TRAK1: variants seen among roughly 807,000 people sequenced by gnomAD.
TRAK1 encodes trafficking kinesin-binding protein 1.
Under a neutral mutation model 92.1 loss-of-function variants are expected in TRAK1, and 33 were observed. That is an observed-to-expected ratio of 0.36 (90% CI 0.27 to 0.48). The LOEUF (loss-of-function observed/expected upper bound fraction) is 0.48. TRAK1 is among the 20% of genes least tolerant of loss of function. TRAK1 has a pLI of 0.99. For synonymous variants in TRAK1, 521 were observed against 517.3 expected (o/e 1.01, Z -0.10); for missense variants, 1,123 against 1,257.9 (o/e 0.89, Z 1.62).
At chr3:42,110,307 A>G (rs955842057) in intron 1 of TRAK1, among the ~76,000 whole-genome samples, 1 of 150,700 alleles carries the variant, frequency 6.6e-6, no homozygotes, top group East Asian at 2.0e-4. Context: ...TGGGGTGTGT[A>G]TGTGTGTGTG....
chr3:42,101,746 A>C (rs894900502), intron 1 of TRAK1, among the ~76,000 whole-genome samples: 1 of 152,146 alleles, frequency 6.6e-6, no homozygotes, highest in African/African-American at 2.4e-5. Context: ...GTTTCCCCTT[A>C]AGCCATAGTT....
At chr3:42,165,105 T>C (rs756551527) in intron 2 of TRAK1, among the ~76,000 whole-genome samples, 10 of 152,214 alleles carry the variant, frequency 6.6e-5, no homozygotes, top group Admixed American at 1.3e-4. Flanking sequence ...GTATTCAGGA[T>C]TGCTCAGGAG....
chr3:42,125,317 GA>G lies in TRAK1; in HGVS notation c.92-102del. 5 of 1,015,372 alleles carry G rather than the reference GA, an allele frequency of 4.9e-6. No homozygotes were observed. The East Asian group carries it at 1.3e-4, about 26-fold the overall frequency. 62.9% of individuals were successfully genotyped at this position (1,015,372 alleles called of 1,614,324 possible). On this transcript the variant is annotated intron_variant, in intron 1 of 15. Coordinates refer to ENST00000327628, the MANE Select transcript of TRAK1 (RefSeq NM_001042646.3). Reference sequence around the variant, plus strand: ...CCTTGTCTAGCTTCTTTGTGCTGTAGATAAATAACCGAAGATACCTGCCGCA... The same window carrying G: ...CCTTGTCTAGCTTCTTTGTGCTGTAGTAAATAACCGAAGATACCTGCCGCA...
chr3:42,052,226 A>T (rs755117071), intron 1 of TRAK1, among the ~76,000 whole-genome samples: 68 of 152,218 alleles, frequency 4.5e-4, no homozygotes, highest in Non-Finnish European at 8.5e-4. Flanking sequence ...TTGCTCTTTC[A>T]GCAGTAGCCC....
At chr3:42,197,002 TCACACACACACACACA>T (rs773977076) in intron 10 of TRAK1, among the ~76,000 whole-genome samples, 176 of 103,604 alleles carry the variant, frequency 1.7e-3, no homozygotes, top group African/African-American at 5.3e-3. Context: ...TCTCTCTCTC[TCACACACACACACACA>T]CACACACACA....
intron 1 of TRAK1, among the ~76,000 whole-genome samples, chr3:42,077,674 A>C (rs1704220696): frequency 6.6e-6 from 1 of 152,208 alleles, no homozygotes; most frequent in Non-Finnish European, 1.5e-5. Flanking sequence ...CTCCCTGGTT[A>C]GCTGTATTCC....
At chr3:42,073,905 G>C (rs2148941115) in intron 1 of TRAK1, among the ~76,000 whole-genome samples, 1 of 152,256 alleles carries the variant, frequency 6.6e-6, no homozygotes, top group South Asian at 2.1e-4. Flanking sequence ...CCGGAGTTCA[G>C]ACCCCATCAT....
chr3:42,053,376 G>T lies in TRAK1; in HGVS notation c.-518-33728G>T, dbSNP rs1198360592. Among the ~76,000 whole-genome samples, 198 of 52,028 alleles carry T rather than the reference G, an allele frequency of 3.8e-3. 2 individuals carry two copies. Among genetic ancestry groups the T allele is most frequent in the African/African-American group, 0.032 (169 of 5,266 alleles). The allele number at this position is 52,028 out of a possible 152,430, so 34.1% of individuals were successfully genotyped here. On this transcript the variant is annotated intron_variant, in intron 1 of 16. Transcript: ENST00000487159. Reference sequence around the variant, plus strand: ...ACTGCAGTCCCATTCAGAGTCGGGTGGGGGGGGGGGGCGGGGGATGGCAAA... The same window carrying T: ...ACTGCAGTCCCATTCAGAGTCGGGTTGGGGGGGGGGGCGGGGGATGGCAAA...
chr3:42,217,681 C>T (rs1230355447), intron 14 of TRAK1: 1 of 985,280 alleles, frequency 1.0e-6, no homozygotes, highest in Non-Finnish European at 1.2e-6. Flanking sequence ...ATCTCTCTTT[C>T]AACTGTGTTG....
chr3:42,112,058 A>G (rs1708483833), intron 1 of TRAK1, among the ~76,000 whole-genome samples: 1 of 150,262 alleles, frequency 6.7e-6, no homozygotes, highest in South Asian at 2.2e-4. Context: ...TCCAGAGTGT[A>G]CTAAGACTCC....
chr3:42,176,310 C>T (rs1449991655), intron 2 of TRAK1, among the ~76,000 whole-genome samples: 3 of 152,148 alleles, frequency 2.0e-5, no homozygotes, highest in Non-Finnish European at 4.4e-5. Context: ...GAGGAGGGGG[C>T]TATGCCATTA....
chr3:42,101,006 G>A (rs1706675092), intron 1 of TRAK1, among the ~76,000 whole-genome samples: 1 of 152,250 alleles, frequency 6.6e-6, no homozygotes, highest in African/African-American at 2.4e-5. Context: ...TGTTAGTCAA[G>A]TGTTGCTGTA....
intron 2 of TRAK1, among the ~76,000 whole-genome samples, chr3:42,160,896 C>T (rs527345085): frequency 3.9e-5 from 6 of 152,134 alleles, no homozygotes; most frequent in African/African-American, 1.4e-4. Flanking sequence ...CATGGCATTC[C>T]AGCATTCTGT....
rs921517887 is a variant in TRAK1, at chr3:42,175,172, A to C, written c.287-1642A>C. Reference sequence around the variant, plus strand: ...TGACAACACAAATTTAAACACAGAGACCACTTAGTTGCTGTGGTCTGTTAC... The same window carrying C: ...TGACAACACAAATTTAAACACAGAGCCCACTTAGTTGCTGTGGTCTGTTAC... On this transcript the variant is annotated intron_variant, in intron 2 of 15. Transcript: ENST00000327628. 4.6e-5 allele frequency among the ~76,000 whole-genome samples: 7 copies of C among 152,170 alleles called. No individual in the cohort carries two copies. The South Asian group carries it at 1.5e-3, about 32-fold the overall frequency.
At chr3:42,084,356 T>C (rs1462214622), upstream of TRAK1, among the ~76,000 whole-genome samples, 1 of 152,208 alleles carries the variant, frequency 6.6e-6, no homozygotes, top group South Asian at 2.1e-4. Flanking sequence ...TCCCAGCTAC[T>C]TGGGAGGCTC....
intron 1 of TRAK1, among the ~76,000 whole-genome samples, chr3:42,053,640 C>T (rs1250559957): frequency 1.3e-5 from 2 of 152,100 alleles, no homozygotes; most frequent in Non-Finnish European, 2.9e-5. Context: ...TTGGCACCCA[C>T]ACCCAGGACC....
intron 1 of TRAK1, among the ~76,000 whole-genome samples, chr3:42,026,552 T>TC (rs1701926202): frequency 6.9e-6 from 1 of 145,324 alleles, no homozygotes; most frequent in Non-Finnish European, 1.5e-5. Context: ...TGAGACAGAG[T>TC]CTCACTCTGT....
intron 14 of TRAK1, among the ~76,000 whole-genome samples, chr3:42,215,190 A>G (rs1709533364): frequency 1.3e-5 from 2 of 152,312 alleles, no homozygotes. Context: ...TCTTTAGAGC[A>G]TCTTCCATGC....
intron 2 of TRAK1, among the ~76,000 whole-genome samples, chr3:42,160,936 T>TG (rs1701211503): frequency 6.6e-6 from 1 of 152,218 alleles, no homozygotes; most frequent in South Asian, 2.1e-4. Context: ...ATCTTGTGAC[T>TG]GGTTGGGTTT....
Sources: allele counts gnomAD v4.1 joint callset (sites outside exome capture counted in the v4.1 genomes callset), GRCh38; gene constraint gnomAD v4.1.1; transcripts MANE v1.5; gene names NCBI Gene and HGNC (gene_info 2026-07-23, HGNC 2026-07-21).